The following ZSWIM5 variants were observed in gnomAD, a reference collection of about 807,000 sequenced individuals.
ZSWIM5 encodes zinc finger SWIM domain-containing protein 5.
ZSWIM5 carries 55 observed loss-of-function variants against 119.6 expected under a neutral mutation model. The observed-to-expected ratio is 0.46, with a 90% CI of 0.37 to 0.58. The LOEUF (loss-of-function observed/expected upper bound fraction) is 0.58, where lower values mean the gene tolerates loss of function less well. Among genes scored for constraint, ZSWIM5 ranks in the 20% least tolerant of loss-of-function variants. ZSWIM5 has a pLI of 0.00. For missense variants in ZSWIM5, 1,193 were observed against 1,512.8 expected, an observed-to-expected ratio of 0.79 and a Z score of 3.51; for synonymous variants, 537 against 606.9, an observed-to-expected ratio of 0.88 and a Z score of 1.69.
intron 1 of ZSWIM5, among the ~76,000 whole-genome samples, chr1:45,198,265 G>A (rs1022314791): frequency 5.3e-5 from 8 of 152,178 alleles, no homozygotes; most frequent in African/African-American, 1.4e-4. Context: ...ATCAAGATCC[G>A]GAGGCATTTC....
intron 1 of ZSWIM5, among the ~76,000 whole-genome samples, chr1:45,165,048 T>C (rs994554702): frequency 4.6e-5 from 7 of 152,170 alleles, no homozygotes; most frequent in South Asian, 2.1e-4. Context: ...TATTCCAAAA[T>C]TGACCACATA....
intron 1 of ZSWIM5, among the ~76,000 whole-genome samples, chr1:45,157,151 A>T (rs981700120): frequency 6.6e-6 from 1 of 152,064 alleles, no homozygotes; most frequent in Non-Finnish European, 1.5e-5. Context: ...ACTTTTCAGT[A>T]AGGTTTTTTT....
chr1:45,067,498 A>G (rs1160682768), intron 2 of ZSWIM5, among the ~76,000 whole-genome samples: 1 of 152,136 alleles, frequency 6.6e-6, no homozygotes, highest in Non-Finnish European at 1.5e-5. Flanking sequence ...CTTGGAATGT[A>G]GATAATATTT....
intron 11 of ZSWIM5, among the ~76,000 whole-genome samples, chr1:45,034,103 C>T (rs560637385): frequency 2.8e-4 from 42 of 152,326 alleles, no homozygotes; most frequent in Admixed American, 2.1e-3. Flanking sequence ...TCTCCCGCCT[C>T]GGCCTCCCAA....
chr1:45,082,014 A>G (rs1570072850), intron 2 of ZSWIM5, among the ~76,000 whole-genome samples: 1 of 152,190 alleles, frequency 6.6e-6, no homozygotes. Context: ...GATCCTGTTG[A>G]TCTGTGACCT....
At chr1:45,125,250 A>AT (rs1375812372) in intron 1 of ZSWIM5, among the ~76,000 whole-genome samples, 1 of 152,192 alleles carries the variant, frequency 6.6e-6, no homozygotes, top group Non-Finnish European at 1.5e-5. Flanking sequence ...ATCTGACCAT[A>AT]TTTTTTTAAA....
intron 1 of ZSWIM5, among the ~76,000 whole-genome samples, chr1:45,161,990 C>G (rs1385800854): frequency 6.6e-6 from 1 of 152,188 alleles, no homozygotes; most frequent in African/African-American, 2.4e-5. Context: ...GTTAGTCACT[C>G]CTCTGCTCTC....
At chr1:45,089,169 C>T (rs927817165) in intron 1 of ZSWIM5, among the ~76,000 whole-genome samples, 11 of 152,050 alleles carry the variant, frequency 7.2e-5, no homozygotes, top group African/African-American at 1.4e-4. Context: ...TTAGTGCAGA[C>T]GGGGTTTTAC....
At chr1:45,145,287 A>G (rs1315048501) in intron 1 of ZSWIM5, among the ~76,000 whole-genome samples, 2 of 151,536 alleles carry the variant, frequency 1.3e-5, no homozygotes, top group Non-Finnish European at 2.9e-5. Flanking sequence ...TACTTACCAT[A>G]TTACCCAGCA....
chr1:45,162,119 T>G (rs1645867275), intron 1 of ZSWIM5, among the ~76,000 whole-genome samples: 2 of 152,220 alleles, frequency 1.3e-5, no homozygotes, highest in Admixed American at 6.5e-5. Flanking sequence ...TCACCATACT[T>G]GTTATTAAAA....
In ZSWIM5 at chr1:45,078,686, G is replaced by C. The variant is rs544215687; in HGVS notation, c.952+9195C>G. ...TGTAACCACTCCCTGGCTACCATCT[G>C]TGTTCACTCAAGGCCCTGAGGCTCC... is the stretch of plus-strand genomic sequence containing the variant. On this transcript the variant is annotated intron_variant, in intron 2 of 13. Transcript: ENST00000359600. Among the ~76,000 whole-genome samples the C allele has an allele frequency of 2.6e-5, 4 of 152,264 alleles. No homozygotes were observed. The South Asian group carries it at 8.3e-4, about 32-fold the overall frequency.
chr1:45,203,891 G>C (rs2149058632), intron 1 of ZSWIM5, among the ~76,000 whole-genome samples: 1 of 152,200 alleles, frequency 6.6e-6, no homozygotes, highest in Middle Eastern at 3.4e-3. Context: ...CTTCGTCTTT[G>C]AAATCCAAAG....
At position 45,157,967 on chromosome 1, in the gene ZSWIM5, T is replaced by C. The variant is rs548419596; in HGVS notation, c.595+47789A>G. On this transcript the variant is annotated intron_variant, in intron 1 of 13. Transcript: ENST00000359600. Reference sequence around the variant, plus strand: ...TTAATATCCATTTGTATATAATCTTTTGTGATGTGTTTGTTCACATCTTTT... The same window carrying C: ...TTAATATCCATTTGTATATAATCTTCTGTGATGTGTTTGTTCACATCTTTT... 2.6e-5 allele frequency among the ~76,000 whole-genome samples: 4 copies of C among 152,300 alleles called. No homozygotes were observed. In the East Asian group the frequency reaches 7.7e-4, roughly 29 times the overall value.
Position 45,072,586 on chromosome 1 carries a change from T to A in ZSWIM5, c.953-12339A>T, listed in dbSNP as rs1193607818. ...GATTTAAGTCTTTAATCCATTTTTA[T>A]CTGATTTTTGTATATGGCTAGAGAT... On this transcript the variant is annotated intron_variant, in intron 2 of 13. Coordinates refer to ENST00000359600, the MANE Select transcript of ZSWIM5 (RefSeq NM_020883.2). The surrounding 1 kb of genome is among the most constrained non-coding windows in gnomAD (Gnocchi z 4.1). Among the ~76,000 whole-genome samples, 11 of 152,020 alleles carry A rather than the reference T, an allele frequency of 7.2e-5. No individual in the cohort carries two copies. The highest frequency in any genetic ancestry group is 5.9e-4 in the Admixed American group (9 of 15,276).
chr1:45,089,264 G>T (rs1645350208), intron 1 of ZSWIM5, among the ~76,000 whole-genome samples: 1 of 152,192 alleles, frequency 6.6e-6, no homozygotes, highest in Non-Finnish European at 1.5e-5. Context: ...TTACAGGCGT[G>T]AGCCACCATG....
intron 1 of ZSWIM5, among the ~76,000 whole-genome samples, chr1:45,179,430 C>T (rs1340421646): frequency 7.9e-5 from 12 of 151,984 alleles, no homozygotes; most frequent in Non-Finnish European, 1.3e-4. Flanking sequence ...ACAACAGACA[C>T]TGATGAATAC....
At chr1:45,077,055 T>C (rs1245884695) in intron 2 of ZSWIM5, among the ~76,000 whole-genome samples, 2 of 152,192 alleles carry the variant, frequency 1.3e-5, no homozygotes, top group African/African-American at 4.8e-5. Context: ...CTATTTTGAA[T>C]TCTTTCTGAA....
intron 2 of ZSWIM5, among the ~76,000 whole-genome samples, chr1:45,069,450 G>A (rs1291206316): frequency 6.6e-6 from 1 of 151,010 alleles, no homozygotes; most frequent in Non-Finnish European, 1.5e-5. Context: ...AGAAATTCAC[G>A]TTTCATTCTA....
chr1:45,068,522 ATT>A, intron 2 of ZSWIM5, among the ~76,000 whole-genome samples: 2 of 152,154 alleles, frequency 1.3e-5, no homozygotes, highest in South Asian at 2.1e-4. Context: ...ATGTATTCCA[ATT>A]TATTGGTCTT....
Sources: allele counts gnomAD v4.1 joint callset (sites outside exome capture counted in the v4.1 genomes callset), GRCh38; gene constraint gnomAD v4.1.1; non-coding constraint Gnocchi (gnomAD v3.1); transcripts MANE v1.5; gene names NCBI Gene and HGNC (gene_info 2026-07-23, HGNC 2026-07-21).